Variants in SLC14A2 observed in about 807,000 individuals in gnomAD.
SLC14A2 encodes urea transporter 2.
Under a neutral mutation model 104.6 loss-of-function variants are expected in SLC14A2, and 91 were observed. The ratio of observed to expected loss-of-function variants is 0.87; its 90% CI spans 0.73 to 1.04. The LOEUF is 1.04. Among genes scored for constraint, SLC14A2 ranks in the 50% least tolerant of loss-of-function variants. SLC14A2 has a pLI of 0.00. For synonymous variants in SLC14A2, 476 were observed against 466.4 expected (o/e 1.02, Z -0.27); for missense variants, 1,189 against 1,156.0 (o/e 1.03, Z -0.41).
chr18:45,260,884 G>A (rs997202527), intron 1 of SLC14A2, among the ~76,000 whole-genome samples: 1 of 151,926 alleles, frequency 6.6e-6, no homozygotes, highest in Non-Finnish European at 1.5e-5. Flanking sequence ...CTATGCATTG[G>A]GTATGATGAT....
intron 2 of SLC14A2, among the ~76,000 whole-genome samples, chr18:45,565,061 C>T (rs1055615947): frequency 4.0e-4 from 1 of 2,514 alleles, no homozygotes; most frequent in East Asian, 0.045. Context: ...TGTGTGTGTT[C>T]GTGCATGCGT....
At chr18:45,434,640 C>A (rs1213673107) in intron 1 of SLC14A2, among the ~76,000 whole-genome samples, 1 of 152,154 alleles carries the variant, frequency 6.6e-6, no homozygotes. Context: ...TACTAACTGG[C>A]AGCCTGAAGG....
At chr18:45,466,274 A>G (rs985528304) in intron 1 of SLC14A2, among the ~76,000 whole-genome samples, 6 of 151,990 alleles carry the variant, frequency 3.9e-5, no homozygotes, top group Non-Finnish European at 8.8e-5. Context: ...GGGGTGTGGT[A>G]GAAAAGAAGG....
Position 45,644,131 on chromosome 18 carries a change from A to G in SLC14A2, c.1322A>G (p.Lys441Arg). ...AACCGCATCTACTACCTGACAGTGA[A>G]AAGCGGTGAAGAAGAGAAGGCCCCC... Reference protein sequence around the residue: ...EANRIYYLTVKSGEEEKAPSG... With the variant: ...EANRIYYLTVRSGEEEKAPSG... Residue 441 changes from lysine to arginine, a missense_variant, in exon 10 of 20, where the codon AAA becomes AGA. Coordinates refer to ENST00000255226, the MANE Select transcript of SLC14A2 (RefSeq NM_007163.4). The G allele has an allele frequency of 6.2e-7, 1 of 1,614,188 alleles. No individual in the cohort carries two copies.
At chr18:45,269,030 A>G (rs1433140970) in intron 1 of SLC14A2, among the ~76,000 whole-genome samples, 1 of 150,922 alleles carries the variant, frequency 6.6e-6, no homozygotes, top group Non-Finnish European at 1.5e-5. Context: ...AACAATGATC[A>G]TTGACAGAAG....
At chr18:45,498,264 TC>T (rs1313570668) in intron 2 of SLC14A2, among the ~76,000 whole-genome samples, 2 of 152,248 alleles carry the variant, frequency 1.3e-5, no homozygotes, top group Admixed American at 1.3e-4. Flanking sequence ...GCTACATACT[TC>T]CCGGGAACAC....
At chr18:45,441,060 G>C (rs2086674723) in intron 1 of SLC14A2, among the ~76,000 whole-genome samples, 1 of 152,138 alleles carries the variant, frequency 6.6e-6, no homozygotes, top group Non-Finnish European at 1.5e-5. Flanking sequence ...CTGTGGATTT[G>C]AAACCATCTG....
intron 2 of SLC14A2, among the ~76,000 whole-genome samples, chr18:45,598,520 T>C (rs1158797218): frequency 6.6e-6 from 1 of 152,134 alleles, no homozygotes; most frequent in Non-Finnish European, 1.5e-5. Flanking sequence ...AAAATTATAT[T>C]TTATGACTGT....
At chr18:45,327,012 ATCTATCTG>A (rs1334282202) in intron 1 of SLC14A2, among the ~76,000 whole-genome samples, 2 of 151,802 alleles carry the variant, frequency 1.3e-5, no homozygotes, top group South Asian at 2.1e-4. Context: ...CAGTCATTCT[ATCTATCTG>A]TCTATCTCTC....
chr18:45,449,303 T>C (rs1342849106), intron 1 of SLC14A2, among the ~76,000 whole-genome samples: 2 of 152,072 alleles, frequency 1.3e-5, no homozygotes. Flanking sequence ...GAGGGGCAAT[T>C]CTGCAAATCC....
chr18:45,668,657 A>G (rs2046075731), intron 15 of SLC14A2, among the ~76,000 whole-genome samples, 180 bp downstream of exon 15: 1 of 152,232 alleles, frequency 6.6e-6, no homozygotes, highest in Non-Finnish European at 1.5e-5. Context: ...CTAGGTCTAT[A>G]CACAGTATCC....
chr18:45,531,607 G>T (rs905828520), intron 2 of SLC14A2, among the ~76,000 whole-genome samples: 2 of 152,206 alleles, frequency 1.3e-5, no homozygotes, highest in Admixed American at 1.3e-4. Flanking sequence ...TTAGTCCTTT[G>T]TCAGATGAGT....
At chr18:45,430,931 G>C (rs889771590) in intron 1 of SLC14A2, among the ~76,000 whole-genome samples, 2 of 152,176 alleles carry the variant, frequency 1.3e-5, no homozygotes, top group Admixed American at 1.3e-4. Context: ...TTTGCCCAAT[G>C]TGAGTTCTAG....
At chr18:45,508,826 C>T (rs80160259) in intron 2 of SLC14A2, among the ~76,000 whole-genome samples, 3,255 of 152,250 alleles carry the variant, frequency 0.021, 42 homozygotes, top group Non-Finnish European at 0.034. Context: ...CACAAAAATG[C>T]CTACTCCAGG....
intron 2 of SLC14A2, among the ~76,000 whole-genome samples, chr18:45,499,975 G>A (rs1321386527): frequency 6.6e-6 from 1 of 152,200 alleles, no homozygotes; most frequent in Non-Finnish European, 1.5e-5. Context: ...TCTGACAAGA[G>A]TCTCACTATG....
chr18:45,548,200 T>C (rs2044003100), intron 2 of SLC14A2, among the ~76,000 whole-genome samples: 1 of 152,208 alleles, frequency 6.6e-6, no homozygotes, highest in African/African-American at 2.4e-5. Context: ...AAAGCAGGCC[T>C]GCCCTGTGAT....
chr18:45,401,253 T>C (rs2086092705), intron 1 of SLC14A2, among the ~76,000 whole-genome samples: 1 of 152,226 alleles, frequency 6.6e-6, no homozygotes, highest in African/African-American at 2.4e-5. Flanking sequence ...AATTTGTTTC[T>C]ATCACTATCA....
In SLC14A2 at chr18:45,627,038, G is replaced by T. The variant is rs746068619; in HGVS notation, c.412G>T (p.Gly138Cys). 2 of 1,613,372 alleles carry T rather than the reference G, an allele frequency of 1.2e-6. No individual in the cohort carries two copies. The highest frequency in any genetic ancestry group is 1.7e-6 in the Non-Finnish European group (2 of 1,179,932). ...QVMFINNPLS[G>C]LIIFIGLLIQ... ...GATGTTCATCAACAATCCTCTCAGC[G>T]GCCTCATCATCTTCATAGGGCTGCT... The change falls in exon 4 of 20, where the codon GGC becomes TGC. Residue 138 changes from glycine to cysteine, a missense_variant. By Grantham distance (159) the Gly-to-Cys change is radical. Transcript: ENST00000255226.
chr18:45,303,884 A>T (rs1046280104), intron 1 of SLC14A2, among the ~76,000 whole-genome samples: 10 of 152,354 alleles, frequency 6.6e-5, no homozygotes, highest in Non-Finnish European at 1.3e-4. Flanking sequence ...CCCACCAGTC[A>T]ATGCTCCCAC....
Sources: gnomAD v4.1 joint callset for allele counts (sites outside exome capture counted in the v4.1 genomes callset) on GRCh38, gnomAD v4.1.1 for gene constraint, MANE v1.5 for transcripts, NCBI Gene and HGNC (gene_info 2026-07-23, HGNC 2026-07-21) for gene names.